COL6A3: variants seen among roughly 807,000 people sequenced by gnomAD.
COL6A3 encodes collagen type VI alpha 3 chain.
Under a neutral mutation model 274.1 loss-of-function variants are expected in COL6A3, and 137 were observed. The observed-to-expected ratio is 0.50, with a 90% CI of 0.44 to 0.58. The LOEUF is 0.58. COL6A3 is among the 20% of genes least tolerant of loss of function. The probability of loss-of-function intolerance (pLI) is 0.00; values close to 1 mark genes in which losing one functional copy is unlikely to be tolerated. For synonymous variants in COL6A3, 1,650 were observed against 1,650.6 expected, an observed-to-expected ratio of 1.00 and a Z score of 0.01; for missense variants, 3,950 against 4,124.9, an observed-to-expected ratio of 0.96 and a Z score of 1.16.
chr2:237,406,932 C>T (rs1471176309), intron 1 of COL6A3, among the ~76,000 whole-genome samples: 4 of 111,096 alleles, frequency 3.6e-5, no homozygotes, highest in African/African-American at 1.5e-4. Flanking sequence ...TTTTTTGAGA[C>T]AGAGTATAGC....
Position 237,366,054 on chromosome 2 carries a change from G to A in COL6A3, c.5501-19C>T, listed in dbSNP as rs755331903. The A allele has an allele frequency of 6.2e-7, 1 of 1,608,490 alleles. No individual in the cohort carries two copies. Among genetic ancestry groups the A allele is most frequent in the Non-Finnish European group, 8.5e-7 (1 of 1,175,706 alleles). ...TTACAAGCTGGAAAGGAGAAATGCA[G>A]GTGATGAGTTCTCAGCTGGGGCTGA... On this transcript the variant is annotated intron_variant, in intron 11 of 43. Coordinates refer to ENST00000295550, the MANE Select transcript of COL6A3 (RefSeq NM_004369.4).
At chr2:237,409,867 C>T (rs180691068) in intron 1 of COL6A3, among the ~76,000 whole-genome samples, 2 of 152,248 alleles carry the variant, frequency 1.3e-5, no homozygotes, top group African/African-American at 4.8e-5. Context: ...TTCATTTAAA[C>T]CTCTGTAATT....
At chr2:237,370,149 G>T (rs187067253) in intron 9 of COL6A3, among the ~76,000 whole-genome samples, 6 of 150,378 alleles carry the variant, frequency 4.0e-5, no homozygotes, top group Admixed American at 2.0e-4. Context: ...GGCATGAGCC[G>T]CCATGCCCAG....
rs1034414900 is a variant in COL6A3, at chr2:237,409,217, A to G, written c.-31+4736T>C. Among the ~76,000 whole-genome samples the G allele has an allele frequency of 3.3e-5, 5 of 152,342 alleles. No individual in the cohort carries two copies. The East Asian group carries it at 9.6e-4, about 29-fold the overall frequency. On this transcript the variant is annotated intron_variant, in intron 1 of 43. Coordinates refer to ENST00000295550, the MANE Select transcript of COL6A3 (RefSeq NM_004369.4). Reference sequence around the variant, plus strand: ...TTTCAATTAGCCAAACAGAAATTATATGTTTGCCAACCAGAAGAGAGGGGG... The same window carrying G: ...TTTCAATTAGCCAAACAGAAATTATGTGTTTGCCAACCAGAAGAGAGGGGG...
chr2:237,347,555 G>A (rs565606128), intron 31 of COL6A3, among the ~76,000 whole-genome samples: 1 of 152,164 alleles, frequency 6.6e-6, no homozygotes, highest in East Asian at 1.9e-4. Flanking sequence ...GCTGTGCCTG[G>A]AGTGAGCTGG....
At chr2:237,369,596 G>T (rs377484599) in intron 9 of COL6A3, among the ~76,000 whole-genome samples, 1 of 152,178 alleles carries the variant, frequency 6.6e-6, no homozygotes, top group Non-Finnish European at 1.5e-5. Flanking sequence ...TGAGGCCAAA[G>T]GTTCTCGCCT....
intron 39 of COL6A3, 58 bp downstream of exon 39, chr2:237,338,957 G>A (rs1458822453): frequency 3.0e-5 from 41 of 1,362,408 alleles, no homozygotes; most frequent in Non-Finnish European, 8.4e-6. Flanking sequence ...GGTGGTTGGA[G>A]GACCTGTGCA....
At chr2:237,360,857 G>T (rs2077420442) in intron 16 of COL6A3, among the ~76,000 whole-genome samples, 1 of 152,076 alleles carries the variant, frequency 6.6e-6, no homozygotes, top group Non-Finnish European at 1.5e-5. Context: ...TGCAAATTCG[G>T]TGTCCCTCTG....
intron 41 of COL6A3, 136 bp downstream of exon 41, chr2:237,334,490 T>C: frequency 1.0e-6 from 1 of 959,896 alleles, no homozygotes. Context: ...CTGAGTTGTT[T>C]TGTTGTTGTT....
rs764868573 is a variant in COL6A3 at position 237,333,570 on chromosome 2, A to T, written c.9230-22T>A. On this transcript the variant is annotated intron_variant, in intron 41 of 43. Coordinates refer to ENST00000295550, the MANE Select transcript of COL6A3 (RefSeq NM_004369.4). ...TTCTCTATAAAAGAAAAATATATGC[A>T]ACTCGTAGGTAAATCAGAAACAGGA... The T allele has an allele frequency of 7.5e-6, 12 of 1,596,294 alleles. 1 individual carries two copies. In the South Asian group the frequency reaches 1.2e-4, roughly 16 times the overall value.
At position 237,344,595 on chromosome 2, in the gene COL6A3, T is replaced by A. The variant is rs373432044; in HGVS notation, c.7423A>T (p.Asn2475Tyr). ...RKSVLLDKIK[N>Y]LQVALTSKQQ... ...TTGGATGTCAGAGCCACCTGAAGGTTCTTAATCTTGTCCAGGAGGACCGAC... is the reference window on the plus strand; with the variant it reads ...TTGGATGTCAGAGCCACCTGAAGGTACTTAATCTTGTCCAGGAGGACCGAC... Residue 2475 changes from asparagine to tyrosine, a missense_variant, in exon 36 of 44, where the codon AAC becomes TAC. By Grantham distance (143) the Asn-to-Tyr change is moderately radical. This residue lies in a region of COL6A3 where 1,284 missense variants were observed against 1,349.7 expected (regional missense o/e 0.95). Coordinates refer to ENST00000295550, the MANE Select transcript of COL6A3 (RefSeq NM_004369.4). This position sits in a 1 kb window ranked among gnomAD's most constrained non-coding sequence, Gnocchi z 4.8. 25 of 1,614,100 alleles carry A rather than the reference T, an allele frequency of 1.5e-5. No homozygotes were observed. The highest frequency in any genetic ancestry group is 1.9e-5 in the Non-Finnish European group (22 of 1,180,050).
rs781033908 is a variant in COL6A3, at chr2:237,371,976, C to A, written c.4041G>T (p.Lys1347Asn). ...CCGGGTCGTCCACCTCATCGTCAGA[C>A]TTTCCAGACGAGATGAGGACCAGGA... is the stretch of plus-strand genomic sequence containing the variant. ...PQFLVLISSG[K>N]SDDEVDDPAV... Residue 1347 changes from lysine to asparagine, a missense_variant, in exon 9 of 44, where the codon AAG (lysine) becomes AAT (asparagine). By Grantham distance (94) the Lys-to-Asn change is moderately conservative. Transcript: ENST00000295550. This position sits in a 1 kb window ranked among gnomAD's most constrained non-coding sequence, Gnocchi z 4.3. 5.6e-6 allele frequency: 9 copies of A among 1,614,156 alleles called. No homozygotes were observed. The highest frequency in any genetic ancestry group is 7.6e-6 in the Non-Finnish European group (9 of 1,180,020).
chr2:237,408,684 T>G (rs2078780080), intron 1 of COL6A3, among the ~76,000 whole-genome samples: 1 of 152,094 alleles, frequency 6.6e-6, no homozygotes, highest in Non-Finnish European at 1.5e-5. Context: ...ACACAGGGGG[T>G]TTTACAGAAA....
chr2:237,340,591 G>A lies in COL6A3; in HGVS notation c.8325C>T (p.Gly2775=). 6.2e-7 allele frequency: 1 copy of A among 1,614,208 alleles called. No individual in the cohort carries two copies. Among genetic ancestry groups the A allele is most frequent in the Non-Finnish European group, 8.5e-7 (1 of 1,180,038 alleles). The part of the protein sequence containing the change: ...KGYFFVVLGI[G]RKVNIKEVYT... The stretch of plus-strand genomic sequence containing the variant: ...ATACCTCCTTGATGTTCACCTTCCT[G>A]CCAATGCCCAGGACCACGAAGAAGT... Residue 2775 remains glycine (G), a synonymous_variant, in exon 38 of 44, where the codon GGC becomes GGT. Transcript: ENST00000295550.
intron 32 of COL6A3, among the ~76,000 whole-genome samples, chr2:237,345,959 A>G (rs2077090010): frequency 6.6e-6 from 1 of 152,220 alleles, no homozygotes; most frequent in Non-Finnish European, 1.5e-5. Context: ...CAATTTCAAT[A>G]TTGAGGGACA....
At chr2:237,363,147 C>G (rs959693277) in intron 14 of COL6A3, 106 bp downstream of exon 14, 8 of 1,131,308 alleles carry the variant, frequency 7.1e-6, no homozygotes, top group Admixed American at 5.2e-5. Context: ...ACCAAGGCCC[C>G]CCCCCCACCT....
intron 36 of COL6A3, chr2:237,342,784 A>C (rs944617886): frequency 6.4e-6 from 1 of 156,328 alleles, no homozygotes; most frequent in Non-Finnish European, 1.4e-5. Context: ...CCACACAAGG[A>C]CAGACTTATG....
intron 14 of COL6A3, among the ~76,000 whole-genome samples, chr2:237,362,825 A>G (rs531982167): frequency 5.7e-4 from 87 of 152,326 alleles, no homozygotes; most frequent in Non-Finnish European, 1.0e-3. Flanking sequence ...AGGGAGGGCA[A>G]TTAAAGCACT....
intron 40 of COL6A3, among the ~76,000 whole-genome samples, chr2:237,335,456 ATATAT>A (rs1248389186): frequency 6.6e-6 from 1 of 152,178 alleles, no homozygotes; most frequent in African/African-American, 2.4e-5. Flanking sequence ...TCAGTCTGAA[ATATAT>A]TAAGTTGGTG....
Sources: gnomAD v4.1 joint callset for allele counts (sites outside exome capture counted in the v4.1 genomes callset) on GRCh38, gnomAD v4.1.1 for gene constraint, gnomAD v4.1.1 regional missense constraint, Gnocchi (gnomAD v3.1) non-coding constraint, MANE v1.5 for transcripts, NCBI Gene and HGNC (gene_info 2026-07-23, HGNC 2026-07-21) for gene names.